CWC27: variants seen among roughly 807,000 people sequenced by gnomAD.
CWC27 encodes spliceosome-associated protein CWC27 homolog.
A neutral mutation model predicts 63.6 loss-of-function variants in CWC27; 47 were observed. The ratio of observed to expected loss-of-function variants is 0.74; its 90% CI spans 0.58 to 0.94. The LOEUF (loss-of-function observed/expected upper bound fraction) is 0.94, where lower values mean the gene tolerates loss of function less well. Ranked by LOEUF, CWC27 falls within the 40% of genes least tolerant of loss-of-function variation. The pLI is 0.00. For missense variants in CWC27, 495 were observed against 554.3 expected, an observed-to-expected ratio of 0.89 and a Z score of 1.07; for synonymous variants, 175 against 179.8, an observed-to-expected ratio of 0.97 and a Z score of 0.22.
intron 10 of CWC27, among the ~76,000 whole-genome samples, chr5:64,839,116 G>A (rs531422543): frequency 6.6e-6 from 1 of 152,286 alleles, no homozygotes; most frequent in African/African-American, 2.4e-5. Context: ...TATACTAGGT[G>A]CTCAGGAAAT....
chr5:64,941,952 C>A (rs963488571), intron 11 of CWC27, among the ~76,000 whole-genome samples: 1 of 151,720 alleles, frequency 6.6e-6, no homozygotes, highest in Non-Finnish European at 1.5e-5. Context: ...GTACAAAAAT[C>A]ACCAATTATA....
rs571832257 is a variant in CWC27 at position 64,788,839 on chromosome 5, C to G, written c.600-112C>G. On this transcript the variant is annotated intron_variant, in intron 6 of 13. Transcript: ENST00000381070. Reference sequence around the variant, plus strand: ...GTAATATGGTCTTTTTTAGAACAGTCAGAATGTATTTCTTCTTGTAAATTC... The same window carrying G: ...GTAATATGGTCTTTTTTAGAACAGTGAGAATGTATTTCTTCTTGTAAATTC... 183 of 671,538 alleles carry G rather than the reference C, an allele frequency of 2.7e-4. 1 individual carries two copies. In the South Asian group the frequency reaches 3.6e-3, roughly 13 times the overall value. 41.6% of individuals were successfully genotyped at this position (671,538 alleles called of 1,614,324 possible).
At chr5:64,963,214 C>T (rs11747536) in intron 11 of CWC27, among the ~76,000 whole-genome samples, 3 of 152,000 alleles carry the variant, frequency 2.0e-5, no homozygotes, top group African/African-American at 7.2e-5. Context: ...AGCCCGCCTC[C>T]GCCTCCCAAA....
chr5:64,875,527 G>A (rs904581307), intron 10 of CWC27, among the ~76,000 whole-genome samples: 1 of 152,022 alleles, frequency 6.6e-6, no homozygotes, highest in African/African-American at 2.4e-5. Context: ...TTTCTTTGTT[G>A]ACTCGCTTAT....
At chr5:64,920,290 A>G (rs6861737) in intron 11 of CWC27, among the ~76,000 whole-genome samples, 15,589 of 152,126 alleles carry the variant, frequency 0.1, 2,449 homozygotes, top group African/African-American at 0.34. Flanking sequence ...GCTTACGTAT[A>G]TTGAACCAAC....
In CWC27 at chr5:64,774,798, T is replaced by C. The variant is rs1252281961; in HGVS notation, c.139+11T>C. ...AACTTTGTTTGGAAGGTATGTTGACTTTTATTCTACTGGAGAAATTCTTGT... is the reference window on the plus strand; with the variant it reads ...AACTTTGTTTGGAAGGTATGTTGACCTTTATTCTACTGGAGAAATTCTTGT... On this transcript the variant is annotated intron_variant, in intron 2 of 13. Transcript: ENST00000381070. 1.3e-6 allele frequency: 1 copy of C among 745,714 alleles called. No individual in the cohort carries two copies. The highest frequency in any genetic ancestry group is 2.2e-5 in the African/African-American group (1 of 46,024). The allele number at this position is 745,714 out of a possible 1,614,324, so 46.2% of individuals were successfully genotyped here.
chr5:65,016,506 T>A (rs77327227), intron 13 of CWC27, among the ~76,000 whole-genome samples: 1 of 152,010 alleles, frequency 6.6e-6, no homozygotes, highest in African/African-American at 2.4e-5. Context: ...AGTATAAAAA[T>A]GTGAATGTGA....
At chr5:64,820,807 A>G (rs1745175651) in intron 10 of CWC27, among the ~76,000 whole-genome samples, 1 of 152,132 alleles carries the variant, frequency 6.6e-6, no homozygotes, top group South Asian at 2.1e-4. Context: ...CAAAACATAA[A>G]ACTATTACAC....
intron 9 of CWC27, among the ~76,000 whole-genome samples, chr5:64,801,648 A>G (rs10065985): frequency 0.4 from 61,139 of 151,780 alleles, 13,630 homozygotes; most frequent in African/African-American, 0.59. Context: ...AATTTATTGT[A>G]TTAAAAGTTT....
chr5:64,905,533 A>T (rs1747615226), intron 11 of CWC27, among the ~76,000 whole-genome samples: 1 of 152,220 alleles, frequency 6.6e-6, no homozygotes, highest in Admixed American at 6.5e-5. Context: ...AAAAGAACAA[A>T]AGAAATAAAG....
chr5:65,017,484 C>T (rs1430787743), intron 13 of CWC27, among the ~76,000 whole-genome samples: 1 of 152,164 alleles, frequency 6.6e-6, no homozygotes, highest in Non-Finnish European at 1.5e-5. Flanking sequence ...CTCAGGATTC[C>T]AGCATATGCT....
At chr5:64,971,847 T>A in intron 12 of CWC27, 35 bp downstream of exon 12, 1 of 1,390,628 alleles carries the variant, frequency 7.2e-7, no homozygotes. Context: ...ACAGAACTTA[T>A]TGTCTTTTTA....
intron 11 of CWC27, among the ~76,000 whole-genome samples, chr5:64,923,908 A>G (rs1267721039): frequency 1.3e-5 from 2 of 151,628 alleles, no homozygotes; most frequent in Non-Finnish European, 2.9e-5. Context: ...TCTTTTTCCA[A>G]TCAGCCAAAT....
chr5:64,972,866 A>G (rs1000232973), intron 12 of CWC27, among the ~76,000 whole-genome samples: 25 of 152,182 alleles, frequency 1.6e-4, no homozygotes, highest in Non-Finnish European at 1.0e-4. Context: ...TCTCTGATCT[A>G]TCAGGGAAAA....
At chr5:64,893,361 A>G (rs1747286815) in intron 11 of CWC27, among the ~76,000 whole-genome samples, 1 of 152,252 alleles carries the variant, frequency 6.6e-6, no homozygotes, top group Non-Finnish European at 1.5e-5. Context: ...CAAATTTGGG[A>G]AAGATATTCT....
chr5:64,929,040 A>G (rs1663242252), intron 11 of CWC27, among the ~76,000 whole-genome samples: 1 of 152,128 alleles, frequency 6.6e-6, no homozygotes, highest in Non-Finnish European at 1.5e-5. Context: ...TAGTTAGTTA[A>G]TAATACATGT....
chr5:64,784,436 A>C (rs559711788), intron 4 of CWC27, among the ~76,000 whole-genome samples: 1 of 152,330 alleles, frequency 6.6e-6, no homozygotes, highest in African/African-American at 2.4e-5. Context: ...TCCTGCTCAC[A>C]TTTAATGTCA....
intron 10 of CWC27, among the ~76,000 whole-genome samples, chr5:64,819,013 C>T (rs73101337): frequency 0.022 from 3,387 of 152,232 alleles, 126 homozygotes; most frequent in African/African-American, 0.072. Context: ...AATGAAAATA[C>T]ACATGTTGCT....
chr5:64,862,194 G>A (rs1044969814), intron 10 of CWC27, among the ~76,000 whole-genome samples: 2 of 151,516 alleles, frequency 1.3e-5, no homozygotes, highest in South Asian at 2.1e-4. Context: ...GAGTCAGGAT[G>A]CAAGGCACTG....
Sources: allele counts gnomAD v4.1 joint callset (sites outside exome capture counted in the v4.1 genomes callset), GRCh38; gene constraint gnomAD v4.1.1; transcripts MANE v1.5; gene names NCBI Gene and HGNC (gene_info 2026-07-23, HGNC 2026-07-21).